MGAT4C: variants seen among roughly 807,000 people sequenced by gnomAD.
The protein encoded by MGAT4C is MGAT4 family member C, also known as alpha-1,3-mannosyl-glycoprotein 4-beta-N-acetylglucosaminyltransferase C.
A neutral mutation model predicts 40.1 loss-of-function variants in MGAT4C; 19 were observed. The observed-to-expected ratio is 0.47, with a 90% CI of 0.33 to 0.70. The LOEUF is 0.70. MGAT4C is among the 30% of genes least tolerant of loss of function. MGAT4C has a pLI of 0.02. For missense variants in MGAT4C, 491 were observed against 563.2 expected (o/e 0.87, Z 1.30); for synonymous variants, 181 against 187.1 (o/e 0.97, Z 0.27).
intron 2 of MGAT4C, among the ~76,000 whole-genome samples, chr12:86,036,460 G>C (rs934799315): frequency 6.7e-6 from 1 of 149,414 alleles, no homozygotes; most frequent in African/African-American, 2.4e-5. Context: ...TTATTATTTT[G>C]AGATACATTC....
chr12:86,360,910 C>G (rs1214342387), intron 3 of MGAT4C, among the ~76,000 whole-genome samples: 2 of 152,138 alleles, frequency 1.3e-5, no homozygotes, highest in Admixed American at 6.6e-5. Context: ...GGTCATACTG[C>G]CCAAGGTAAT....
intron 2 of MGAT4C, among the ~76,000 whole-genome samples, chr12:86,525,177 C>T (rs981521122): frequency 6.6e-6 from 1 of 152,166 alleles, no homozygotes; most frequent in African/African-American, 2.4e-5. Flanking sequence ...ATCATGGACG[C>T]AGTTTCCTCC....
chr12:86,033,934 C>T (rs555993925), intron 2 of MGAT4C, among the ~76,000 whole-genome samples: 5 of 148,618 alleles, frequency 3.4e-5, no homozygotes, highest in East Asian at 1.9e-4. Flanking sequence ...TCCTTCAATA[C>T]GTAGTTTGTT....
At chr12:86,633,058 T>C (rs1052146604) in intron 2 of MGAT4C, among the ~76,000 whole-genome samples, 6 of 151,900 alleles carry the variant, frequency 3.9e-5, no homozygotes, top group African/African-American at 1.4e-4. Flanking sequence ...ATATATATTA[T>C]ATATTTGAAG....
chr12:86,581,664 T>A (rs749950574), intron 2 of MGAT4C, among the ~76,000 whole-genome samples: 1 of 151,482 alleles, frequency 6.6e-6, no homozygotes, highest in Admixed American at 6.6e-5. Context: ...TCACTCTTTC[T>A]AATTGGTTGC....
intron 3 of MGAT4C, among the ~76,000 whole-genome samples, chr12:86,388,672 TTTG>T (rs1956106368): frequency 6.7e-6 from 1 of 148,856 alleles, no homozygotes; most frequent in Non-Finnish European, 1.5e-5. Flanking sequence ...TTCAGCGTTT[TTTG>T]TTTTTTTTTT....
intron 2 of MGAT4C, among the ~76,000 whole-genome samples, chr12:86,484,310 A>T (rs1020705115): frequency 1.3e-5 from 2 of 152,166 alleles, no homozygotes; most frequent in African/African-American, 4.8e-5. Flanking sequence ...CCAGCTGGCC[A>T]CCAGGCCAAG....
intron 1 of MGAT4C, among the ~76,000 whole-genome samples, chr12:86,190,424 A>T (rs1324982026): frequency 6.6e-6 from 1 of 152,166 alleles, no homozygotes; most frequent in African/African-American, 2.4e-5. Context: ...AAGTAACAAT[A>T]ATAACCATTA....
At chr12:86,380,382 A>T (rs1234862639) in intron 3 of MGAT4C, among the ~76,000 whole-genome samples, 4 of 152,140 alleles carry the variant, frequency 2.6e-5, no homozygotes, top group African/African-American at 9.7e-5. Context: ...AAAAAACTGA[A>T]TTTGCCACTT....
At chr12:86,700,607 G>A (rs1950344844) in intron 2 of MGAT4C, among the ~76,000 whole-genome samples, 1 of 152,182 alleles carries the variant, frequency 6.6e-6, no homozygotes, top group South Asian at 2.1e-4. Context: ...TATAGTGGGT[G>A]CATATAGAGT....
chr12:86,405,927 TA>T lies in MGAT4C; in HGVS notation c.-120+29229del, dbSNP rs1163842990. On this transcript the variant is annotated intron_variant, in intron 3 of 7. Transcript: ENST00000548651. ...ATAGGTAATATGTATGTATTTATAT[TA>T]TACATACATTTATAAATACATGTAT... is the stretch of plus-strand genomic sequence containing the variant. Among the ~76,000 whole-genome samples the T allele has an allele frequency of 8.4e-3, 28 of 3,318 alleles. 1 individual carries two copies. The highest frequency in any genetic ancestry group is 9.1e-3 in the Admixed American group (3 of 328). The allele number at this position is 3,318 out of a possible 152,430, so 2.2% of individuals were successfully genotyped here. A position where few individuals can be genotyped will look rare whatever the true frequency, so the allele number is the denominator to read the frequency against.
At chr12:86,345,245 C>CTTAT (rs766494098) in intron 3 of MGAT4C, among the ~76,000 whole-genome samples, 2 of 151,488 alleles carry the variant, frequency 1.3e-5, no homozygotes, top group Non-Finnish European at 2.9e-5. Flanking sequence ...TGCTCACTTT[C>CTTAT]TTATTTATTT....
rs1884338224 is a variant in MGAT4C at position 85,979,793 on chromosome 12, G to A, written c.933C>T (p.His311=). The change falls in exon 5 of 5, where the codon CAC becomes CAT. Residue 311 remains histidine (H), a synonymous_variant. Coordinates refer to ENST00000611864, the MANE Select transcript of MGAT4C (RefSeq NM_001351288.2). The stretch of plus-strand genomic sequence containing the variant: ...CTTTGTATGATGAATAATAGCCCAT[G>A]TGCTGAAAGAGAGATGGTTTAAAAC... ...VIRFKPSLFQ[H]MGYYSSYKGT... 1 of 1,613,700 alleles carries A rather than the reference G, an allele frequency of 6.2e-7. No homozygotes were observed. The highest frequency in any genetic ancestry group is 2.2e-5 in the East Asian group (1 of 44,862).
intron 1 of MGAT4C, among the ~76,000 whole-genome samples, chr12:86,754,813 AAG>A (rs1380170506): frequency 6.6e-6 from 1 of 152,102 alleles, no homozygotes; most frequent in East Asian, 1.9e-4. Flanking sequence ...CAGAGCTGAG[AAG>A]AGTTTTGTCA....
chr12:86,387,434 A>T (rs545723979), intron 3 of MGAT4C, among the ~76,000 whole-genome samples: 1 of 152,244 alleles, frequency 6.6e-6, no homozygotes, highest in African/African-American at 2.4e-5. Flanking sequence ...CTAGAATTGA[A>T]AACAGAATTT....
At chr12:86,168,412 A>G (rs950812014) in intron 1 of MGAT4C, among the ~76,000 whole-genome samples, 1 of 152,212 alleles carries the variant, frequency 6.6e-6, no homozygotes, top group African/African-American at 2.4e-5. Context: ...CCATAATTAG[A>G]AAATTATTAT....
Position 85,966,024 on chromosome 12 carries a change from TAA to T in MGAT4C, c.*13263_*13264del, listed in dbSNP as rs1883346352. The T allele has an allele frequency of 6.6e-6, 1 of 152,160 alleles. No homozygotes were observed. The highest frequency in any genetic ancestry group is 1.5e-5 in the Non-Finnish European group (1 of 68,016). 9.4% of individuals were successfully genotyped at this position (152,160 alleles called of 1,614,324 possible). On this transcript the variant is annotated 3_prime_UTR_variant, in exon 5 of 5. Transcript: ENST00000611864. ...TGTATAAAAAGGTATGTTAAGTAAT[TAA>T]AAGTGTCAGGCATTATTTTCCTATT...
At chr12:86,296,747 G>A (rs890191516) in intron 4 of MGAT4C, among the ~76,000 whole-genome samples, 18 of 152,312 alleles carry the variant, frequency 1.2e-4, no homozygotes, top group Middle Eastern at 3.4e-3. Flanking sequence ...AGCGCTGCGC[G>A]CAGCCCCAGT....
At chr12:86,743,086 GTGTATGTGTGTGTA>G (rs1301120929) in intron 1 of MGAT4C, among the ~76,000 whole-genome samples, 2 of 148,380 alleles carry the variant, frequency 1.3e-5, no homozygotes, top group African/African-American at 5.0e-5. Flanking sequence ...GTGTGTATGT[GTGTATGTGTGTGTA>G]TGTATGTGTG....
Sources: allele counts gnomAD v4.1 joint callset (sites outside exome capture counted in the v4.1 genomes callset), GRCh38; gene constraint gnomAD v4.1.1; transcripts MANE v1.5; gene names NCBI Gene and HGNC (gene_info 2026-07-23, HGNC 2026-07-21).